Variants in HS1BP3 observed in about 807,000 individuals in gnomAD.
The protein encoded by HS1BP3 is HCLS1 binding protein 3.
In HS1BP3, 32 loss-of-function variants were observed where a neutral mutation model predicts 33.5. The observed-to-expected ratio is 0.95, with a 90% confidence interval of 0.72 to 1.28. The LOEUF (loss-of-function observed/expected upper bound fraction) is 1.28, where lower values mean the gene tolerates loss of function less well. Among genes scored for constraint, HS1BP3 ranks in the 50% most tolerant of loss-of-function variants. The pLI, the probability that HS1BP3 is intolerant of heterozygous loss-of-function variation, is 0.00. For missense variants in HS1BP3, 486 were observed against 502.3 expected (o/e 0.97, Z 0.31); for synonymous variants, 187 against 209.2 (o/e 0.89, Z 0.92).
At chr2:20,635,903 G>C (rs57444374) in intron 4 of HS1BP3, 11,268 of 152,270 alleles carry the variant, frequency 0.074, 415 homozygotes, top group Admixed American at 0.11. Flanking sequence ...AGAAAAGCCA[G>C]GCCGGCCTGG....
chr2:20,633,791 G>A (rs1245951586), intron 4 of HS1BP3, among the ~76,000 whole-genome samples: 1 of 152,222 alleles, frequency 6.6e-6, no homozygotes, highest in Non-Finnish European at 1.5e-5. Flanking sequence ...CCAGAGTGCT[G>A]GGATTACAGG....
chr2:20,615,910 C>G (rs1694413896), downstream of HS1BP3, among the ~76,000 whole-genome samples: 1 of 152,144 alleles, frequency 6.6e-6, no homozygotes, highest in South Asian at 2.1e-4. Context: ...TCATGGGACA[C>G]CAGTACTCAA....
downstream of HS1BP3, among the ~76,000 whole-genome samples, chr2:20,617,343 C>A (rs1489134921): frequency 1.3e-5 from 2 of 152,178 alleles, no homozygotes; most frequent in East Asian, 3.9e-4. Context: ...GGAGCCGGTG[C>A]TGGAGCTGTC....
At chr2:20,583,436 G>C (rs765595121) in intron 5 of HS1BP3, among the ~76,000 whole-genome samples, 6 of 141,114 alleles carry the variant, frequency 4.3e-5, no homozygotes, top group Non-Finnish European at 8.8e-5. Flanking sequence ...GAGGGGCGCA[G>C]TTGGTTCTCA....
chr2:20,592,147 C>G (rs1693830520), downstream of HS1BP3, among the ~76,000 whole-genome samples: 1 of 162 alleles, frequency 6.2e-3, no homozygotes, highest in African/African-American at 0.017. Context: ...ACGTGCCCTG[C>G]TGCTGCAACC....
At chr2:20,645,558 C>T (rs985057465) in intron 1 of HS1BP3, 53 bp from the exon 2 acceptor site, 11 of 1,547,392 alleles carry the variant, frequency 7.1e-6, no homozygotes, top group African/African-American at 2.7e-5. Flanking sequence ...AGTAGGCTTC[C>T]CGAGCAAAGT....
At chr2:20,561,594 T>A (rs1426432277) in intron 5 of HS1BP3, among the ~76,000 whole-genome samples, 1 of 152,120 alleles carries the variant, frequency 6.6e-6, no homozygotes, top group Non-Finnish European at 1.5e-5. Context: ...CACATATGCA[T>A]ATGCGTACAC....
At chr2:20,625,019 G>C (rs992788673) in intron 4 of HS1BP3, 127 bp from the exon 5 acceptor site, 2 of 1,137,360 alleles carry the variant, frequency 1.8e-6, no homozygotes, top group Admixed American at 4.1e-5. Context: ...AAAAGACCAG[G>C]CCAGAGGGAC....
chr2:20,625,033 G>A lies in HS1BP3; in HGVS notation c.624-141C>T, dbSNP rs1232255743. 8 of 986,410 alleles carry A rather than the reference G, an allele frequency of 8.1e-6. No homozygotes were observed. The African/African-American group carries it at 1.3e-4, about 16-fold the overall frequency. The allele number at this position is 986,410 out of a possible 1,614,324, so 61.1% of individuals were successfully genotyped here. ...GAAAAGACCAGGCCAGAGGGACCAGGGAAGTCCTGGAGGGGGCCACCCAGA... is the reference window on the plus strand; with the variant it reads ...GAAAAGACCAGGCCAGAGGGACCAGAGAAGTCCTGGAGGGGGCCACCCAGA... On this transcript the variant is annotated intron_variant, in intron 4 of 6. Coordinates refer to ENST00000304031, the MANE Select transcript of HS1BP3 (RefSeq NM_022460.4).
intron 5 of HS1BP3, among the ~76,000 whole-genome samples, chr2:20,562,644 G>T (rs1177897753): frequency 6.6e-6 from 1 of 152,208 alleles, no homozygotes; most frequent in East Asian, 1.9e-4. Flanking sequence ...CCACAATGCA[G>T]GCTTGCACGA....
chr2:20,582,070 T>G (rs1174520944), intron 5 of HS1BP3, among the ~76,000 whole-genome samples: 1 of 152,214 alleles, frequency 6.6e-6, no homozygotes, highest in African/African-American at 2.4e-5. Context: ...GGGCCTCAAT[T>G]ACATTTGCAA....
In HS1BP3 at chr2:20,645,525, C is replaced by T. The variant is rs1232177496; in HGVS notation, c.33-20G>A. The T allele has an allele frequency of 1.2e-6, 2 of 1,603,368 alleles. No homozygotes were observed. Among genetic ancestry groups the T allele is most frequent in the Non-Finnish European group, 8.5e-7 (1 of 1,175,696 alleles). ...AGTCGCCTGCCAGGGGAAAAGAAGG[C>T]AGGTGGGGTTCAGGGTCAAGGCAGT... On this transcript the variant is annotated intron_variant, in intron 1 of 6. Coordinates refer to ENST00000304031, the MANE Select transcript of HS1BP3 (RefSeq NM_022460.4).
intron 5 of HS1BP3, among the ~76,000 whole-genome samples, chr2:20,561,789 A>T (rs963722250): frequency 1.3e-5 from 2 of 152,140 alleles, no homozygotes; most frequent in African/African-American, 4.8e-5. Context: ...AGTGATGAGT[A>T]TCTTTTTTAT....
At chr2:20,612,325 T>C (rs1412220834) in intron 2 of HS1BP3, among the ~76,000 whole-genome samples, 1 of 152,218 alleles carries the variant, frequency 6.6e-6, no homozygotes, top group Non-Finnish European at 1.5e-5. Flanking sequence ...TTTATTGAGA[T>C]ATAATTTATA....
chr2:20,636,447 T>C (rs1256437817), intron 4 of HS1BP3: 1 of 152,288 alleles, frequency 6.6e-6, no homozygotes, highest in Non-Finnish European at 1.5e-5. Context: ...GGCTCTGCCA[T>C]CTGCAGGCTG....
At chr2:20,585,562 T>C (rs942188590) in intron 5 of HS1BP3, among the ~76,000 whole-genome samples, 3 of 152,190 alleles carry the variant, frequency 2.0e-5, no homozygotes, top group African/African-American at 7.2e-5. Flanking sequence ...CCCAGAAACA[T>C]AGGAATTCAG....
chr2:20,588,951 G>A (rs1275906658), downstream of HS1BP3, among the ~76,000 whole-genome samples: 3 of 152,322 alleles, frequency 2.0e-5, no homozygotes, highest in East Asian at 1.9e-4. Context: ...GTTCGTGCTT[G>A]TCTCATGATC....
intron 6 of HS1BP3, among the ~76,000 whole-genome samples, chr2:20,619,979 CCT>C (rs1178809749): frequency 6.6e-6 from 1 of 152,168 alleles, no homozygotes; most frequent in Non-Finnish European, 1.5e-5. Flanking sequence ...TGACCCCAGA[CCT>C]CTAATCTCCC....
chr2:20,601,770 CTTTTTTTTTTT>C (rs35644786), intron 2 of HS1BP3, among the ~76,000 whole-genome samples: 5 of 69,122 alleles, frequency 7.2e-5, no homozygotes, highest in African/African-American at 1.1e-4. Context: ...AGTGTGTCTT[CTTTTTTTTTTT>C]TTTTTTTTTT....
Sources: gnomAD v4.1 joint callset for allele counts (sites outside exome capture counted in the v4.1 genomes callset) on GRCh38, gnomAD v4.1.1 for gene constraint, MANE v1.5 for transcripts, NCBI Gene and HGNC (gene_info 2026-07-23, HGNC 2026-07-21) for gene names.